The following NTRK3 variants were observed in gnomAD, a reference collection of about 807,000 sequenced individuals.
NTRK3 encodes neurotrophic receptor tyrosine kinase 3, also known as NT-3 growth factor receptor.
Under a neutral mutation model 91.7 loss-of-function variants are expected in NTRK3, and 24 were observed. The observed-to-expected ratio is 0.26, with a 90% CI of 0.19 to 0.37. NTRK3 has a LOEUF of 0.37. Among genes scored for constraint, NTRK3 ranks in the 10% least tolerant of loss-of-function variants. The pLI, the probability that NTRK3 is intolerant of heterozygous loss-of-function variation, is 1.00. For synonymous variants in NTRK3, 483 were observed against 404.0 expected (o/e 1.20, Z -2.34); for missense variants, 880 against 1,068.9 (o/e 0.82, Z 2.46).
intron 16 of NTRK3, among the ~76,000 whole-genome samples, chr15:87,930,159 G>A (rs191659925): frequency 6.6e-6 from 1 of 152,250 alleles, no homozygotes; most frequent in East Asian, 1.9e-4. Context: ...GTAACTTATG[G>A]CCATAGCAGT....
intron 16 of NTRK3, 90 bp from the exon 17 acceptor site, chr15:87,929,524 C>T (rs1420704746): frequency 2.0e-6 from 3 of 1,477,568 alleles, no homozygotes; most frequent in Admixed American, 4.5e-5. Flanking sequence ...TCTGGAATGC[C>T]CCACAGAAAT....
intron 6 of NTRK3, among the ~76,000 whole-genome samples, chr15:88,140,514 T>C (rs1417734701): frequency 2.0e-5 from 3 of 152,202 alleles, no homozygotes; most frequent in Non-Finnish European, 2.9e-5. Context: ...CCATTCACTC[T>C]CAAACAAAAC....
intron 5 of NTRK3, among the ~76,000 whole-genome samples, chr15:88,181,571 G>T (rs2046462333): frequency 1.3e-5 from 2 of 152,200 alleles, no homozygotes; most frequent in Non-Finnish European, 2.9e-5. Context: ...AAAGAGAACA[G>T]GGTTTGTCTC....
Position 87,994,412 on chromosome 15 carries a change from C to T in NTRK3, c.1585+38445G>A, listed in dbSNP as rs146218173. Among the ~76,000 whole-genome samples the T allele has an allele frequency of 5.9e-5, 9 of 152,272 alleles. No homozygotes were observed. In the East Asian group the frequency reaches 1.5e-3, roughly 26 times the overall value. ...AAATGTGAACACAGATAGATACACACGCACAGAACACCATGTGAACATGAA... is the reference window on the plus strand; with the variant it reads ...AAATGTGAACACAGATAGATACACATGCACAGAACACCATGTGAACATGAA... On this transcript the variant is annotated intron_variant, in intron 14 of 18. Coordinates refer to ENST00000394480, the Ensembl canonical transcript of NTRK3.
chr15:88,031,598 C>G (rs1214965369), intron 14 of NTRK3, among the ~76,000 whole-genome samples: 6 of 152,284 alleles, frequency 3.9e-5, no homozygotes, highest in African/African-American at 1.4e-4. Flanking sequence ...CAGGGAGCAT[C>G]TGATACACAC....
In NTRK3 at chr15:88,207,222, T is replaced by C. The variant is rs150514120; in HGVS notation, c.249-22923A>G. On this transcript the variant is annotated intron_variant, in intron 3 of 18. Coordinates refer to ENST00000394480, the Ensembl canonical transcript of NTRK3. ...TGATTGCTGGGACTATTATATTACCTGCCTCCAGCGAGTCCCCAGGCACCT... is the reference window on the plus strand; with the variant it reads ...TGATTGCTGGGACTATTATATTACCCGCCTCCAGCGAGTCCCCAGGCACCT... Among the ~76,000 whole-genome samples, 17 of 152,280 alleles carry C rather than the reference T, an allele frequency of 1.1e-4. 1 individual carries two copies. The East Asian group carries it at 1.9e-3, about 17-fold the overall frequency.
At chr15:88,248,516 T>TTGTG (rs4034650) in intron 3 of NTRK3, among the ~76,000 whole-genome samples, 2 of 150,586 alleles carry the variant, frequency 1.3e-5, no homozygotes, top group African/African-American at 2.4e-5. Flanking sequence ...AGTAATATAT[T>TTGTG]TGTGTGTGTG....
chr15:87,975,921 T>A (rs1323025169), intron 14 of NTRK3, among the ~76,000 whole-genome samples: 4 of 152,118 alleles, frequency 2.6e-5, no homozygotes, highest in South Asian at 2.1e-4. Flanking sequence ...ACATTCCACA[T>A]CCTTTCCTCT....
At chr15:88,219,041 A>G (rs1193869668) in intron 3 of NTRK3, among the ~76,000 whole-genome samples, 2 of 152,242 alleles carry the variant, frequency 1.3e-5, no homozygotes, top group Non-Finnish European at 2.9e-5. Flanking sequence ...CAATGACAGG[A>G]GACGACCTCT....
At position 88,071,366 on chromosome 15, in the gene NTRK3, G is replaced by A. The variant is rs543386385; in HGVS notation, c.1397-38321C>T. On this transcript the variant is annotated intron_variant, in intron 13 of 18. Transcript: ENST00000394480. ...GGAGGGAGCCACAGTGCCTGCTGCC[G>A]AGATTTCAACCTGTCACTTCTGTTT... is the stretch of plus-strand genomic sequence containing the variant. Among the ~76,000 whole-genome samples the A allele has an allele frequency of 1.4e-3, 215 of 152,350 alleles. 2 individuals carry two copies. The highest frequency in any genetic ancestry group is 2.2e-3 in the Non-Finnish European group (148 of 68,036).
chr15:88,023,937 T>A (rs1181320704), intron 14 of NTRK3, among the ~76,000 whole-genome samples: 6 of 152,180 alleles, frequency 3.9e-5, no homozygotes, highest in African/African-American at 1.4e-4. Context: ...TTTCCGTATT[T>A]CATCTGCAAG....
chr15:87,872,194 C>A (rs182784858), exon 19 of NTRK3: 9 of 220,488 alleles, frequency 4.1e-5, no homozygotes, highest in Non-Finnish European at 8.2e-5. Context: ...TGGGTTCATT[C>A]AACAAACATC....
intron 3 of NTRK3, among the ~76,000 whole-genome samples, chr15:88,247,369 T>C (rs2052941397): frequency 1.3e-5 from 2 of 152,206 alleles, no homozygotes; most frequent in African/African-American, 4.8e-5. Flanking sequence ...CACTGGGCGA[T>C]TGGGCCAAAT....
At chr15:88,133,960 G>A (rs2041632109) in intron 10 of NTRK3, among the ~76,000 whole-genome samples, 1 of 152,240 alleles carries the variant, frequency 6.6e-6, no homozygotes, top group Non-Finnish European at 1.5e-5. Context: ...CCCTTGCACT[G>A]ACATAAATAA....
intron 5 of NTRK3, among the ~76,000 whole-genome samples, chr15:88,148,753 T>C (rs1047719337): frequency 2.0e-5 from 3 of 152,114 alleles, no homozygotes; most frequent in Non-Finnish European, 2.9e-5. Flanking sequence ...TTTTAAAAAA[T>C]AGAAGACCAA....
chr15:88,057,553 G>A (rs2045832923), intron 13 of NTRK3, among the ~76,000 whole-genome samples: 1 of 152,140 alleles, frequency 6.6e-6, no homozygotes, highest in South Asian at 2.1e-4. Flanking sequence ...TTCTTTGAGT[G>A]TCTTGGCCAA....
chr15:87,861,257 C>G (rs2064516086), exon 19 of NTRK3: 1 of 218,300 alleles, frequency 4.6e-6, no homozygotes, highest in African/African-American at 2.2e-5. Context: ...TCAGTTACAA[C>G]AGTACCTAAA....
At chr15:88,140,996 C>T (rs1404589859) in intron 6 of NTRK3, among the ~76,000 whole-genome samples, 1 of 152,124 alleles carries the variant, frequency 6.6e-6, no homozygotes, top group African/African-American at 2.4e-5. Flanking sequence ...CTCCAAGAGA[C>T]AGGAAATCAA....
chr15:88,214,211 A>G (rs1055719752), intron 3 of NTRK3, among the ~76,000 whole-genome samples: 1 of 152,192 alleles, frequency 6.6e-6, no homozygotes, highest in Non-Finnish European at 1.5e-5. Context: ...AAATTGTCTC[A>G]CAGTCCTGGA....
Sources: gnomAD v4.1 joint callset for allele counts (sites outside exome capture counted in the v4.1 genomes callset) on GRCh38, gnomAD v4.1.1 for gene constraint, MANE v1.5 for transcripts, NCBI Gene and HGNC (gene_info 2026-07-23, HGNC 2026-07-21) for gene names.